HESX1: variants seen among roughly 807,000 people sequenced by gnomAD.
HESX1 encodes HESX homeobox 1.
Under a neutral mutation model 22.5 loss-of-function variants are expected in HESX1, and 11 were observed. The observed-to-expected ratio is 0.49, with a 90% CI of 0.31 to 0.81. HESX1 has a LOEUF of 0.81. Among genes scored for constraint, HESX1 ranks in the 30% least tolerant of loss-of-function variants. HESX1 has a pLI of 0.05. For missense variants in HESX1, 201 were observed against 212.6 expected, an observed-to-expected ratio of 0.95 and a Z score of 0.34; for synonymous variants, 74 against 76.5, an observed-to-expected ratio of 0.97 and a Z score of 0.17.
At chr3:57,212,914 G>C (rs185566976) in intron 1 of HESX1, among the ~76,000 whole-genome samples, 1 of 152,150 alleles carries the variant, frequency 6.6e-6, no homozygotes, top group Non-Finnish European at 1.5e-5. Flanking sequence ...TTTACATTAG[G>C]TATTTCTCCT....
upstream of HESX1, chr3:57,200,015 C>T (rs780627857): frequency 3.5e-5 from 37 of 1,050,186 alleles, no homozygotes; most frequent in Non-Finnish European, 5.1e-5. Context: ...CTTATAGCTC[C>T]GCTGACAAGG....
intron 1 of HESX1, among the ~76,000 whole-genome samples, chr3:57,210,850 AT>A (rs2060549123): frequency 6.6e-6 from 1 of 152,228 alleles, no homozygotes; most frequent in Admixed American, 6.5e-5. Flanking sequence ...CTCCAGGGCA[AT>A]CTACAGAAGA....
intron 1 of HESX1, among the ~76,000 whole-genome samples, chr3:57,224,102 C>T (rs1339144060): frequency 6.6e-6 from 1 of 152,142 alleles, no homozygotes; most frequent in Admixed American, 6.5e-5. Flanking sequence ...AAGCGATTCT[C>T]CTGCCTCAGC....
upstream of HESX1, among the ~76,000 whole-genome samples, chr3:57,203,306 AGAT>A (rs941417990): frequency 3.3e-5 from 5 of 152,170 alleles, no homozygotes; most frequent in Non-Finnish European, 7.3e-5. Context: ...TAGCGGCAAA[AGAT>A]GATGATCCTT....
intron 1 of HESX1, among the ~76,000 whole-genome samples, chr3:57,207,474 T>C (rs993249313): frequency 6.6e-6 from 1 of 152,184 alleles, no homozygotes; most frequent in Admixed American, 6.6e-5. Context: ...ATGTTGAGAA[T>C]AGCAGTGTAA....
At chr3:57,222,125 G>C (rs185576193) in intron 1 of HESX1, among the ~76,000 whole-genome samples, 1 of 152,118 alleles carries the variant, frequency 6.6e-6, no homozygotes, top group Non-Finnish European at 1.5e-5. Flanking sequence ...TTATCCCTGA[G>C]AGTCTTATTT....
In HESX1 at chr3:57,208,531, G is replaced by T. The variant is rs546846902; in HGVS notation, c.-110-8503C>A. On this transcript the variant is annotated intron_variant, in intron 1 of 2. Coordinates refer to the HESX1 transcript ENST00000495160. The stretch of plus-strand genomic sequence containing the variant: ...CCGGATAATTTTTGTATTTTTTTTA[G>T]TAGAGATGAGGTTTCACCGTATAGG... Among the ~76,000 whole-genome samples, 1,449 of 151,782 alleles carry T rather than the reference G, an allele frequency of 9.5e-3. 23 individuals are homozygous for T. Among genetic ancestry groups the T allele is most frequent in the African/African-American group, 0.033 (1,350 of 41,458 alleles).
At chr3:57,206,065 C>T (rs1345853828) in intron 1 of HESX1, among the ~76,000 whole-genome samples, 1 of 152,132 alleles carries the variant, frequency 6.6e-6, no homozygotes, top group African/African-American at 2.4e-5. Flanking sequence ...GTGGCACGTG[C>T]CTGTAATCCC....
chr3:57,215,706 G>A (rs893261613), intron 1 of HESX1, among the ~76,000 whole-genome samples: 1 of 152,158 alleles, frequency 6.6e-6, no homozygotes, highest in South Asian at 2.1e-4. Flanking sequence ...GGCAGAGGTT[G>A]CAGTGAGCCA....
upstream of HESX1, among the ~76,000 whole-genome samples, chr3:57,201,615 G>T (rs1021601319): frequency 6.7e-6 from 1 of 149,550 alleles, no homozygotes; most frequent in Non-Finnish European, 1.5e-5. Flanking sequence ...GTTAGCCAGG[G>T]TAAGAATGAG....
upstream of HESX1, among the ~76,000 whole-genome samples, chr3:57,204,369 C>A (rs2060507985): frequency 6.6e-6 from 1 of 152,016 alleles, no homozygotes; most frequent in African/African-American, 2.4e-5. Context: ...GAGGAAATAC[C>A]TATTTGATTC....
intron 1 of HESX1, among the ~76,000 whole-genome samples, chr3:57,225,902 A>G (rs866670353): frequency 3.4e-5 from 4 of 116,806 alleles, no homozygotes; most frequent in Middle Eastern, 6.7e-3. Flanking sequence ...TTTTTTTGAT[A>G]CGTAGTCTTG....
At chr3:57,201,861 A>ATATC (rs10576733), upstream of HESX1, among the ~76,000 whole-genome samples, 122 of 146,434 alleles carry the variant, frequency 8.3e-4, no homozygotes, top group African/African-American at 2.6e-3. Flanking sequence ...TTACATATCT[A>ATATC]TATCTATCTA....
At chr3:57,220,924 C>T (rs2060612044) in intron 1 of HESX1, among the ~76,000 whole-genome samples, 1 of 152,194 alleles carries the variant, frequency 6.6e-6, no homozygotes, top group Admixed American at 6.5e-5. Flanking sequence ...CTGGCTTGCT[C>T]TTCTCCTGTC....
At chr3:57,203,616 G>A (rs2060502705), upstream of HESX1, among the ~76,000 whole-genome samples, 1 of 152,000 alleles carries the variant, frequency 6.6e-6, no homozygotes, top group Non-Finnish European at 1.5e-5. Flanking sequence ...GTGCAGTGGC[G>A]CAACCTCTGC....
At chr3:57,219,741 C>A (rs2060604171) in intron 1 of HESX1, among the ~76,000 whole-genome samples, 1 of 152,148 alleles carries the variant, frequency 6.6e-6, no homozygotes, top group South Asian at 2.1e-4. Flanking sequence ...GAATATTAGA[C>A]CTTTGTCAGA....
chr3:57,221,179 G>A (rs892889977), intron 1 of HESX1, among the ~76,000 whole-genome samples: 1 of 149,736 alleles, frequency 6.7e-6, no homozygotes, highest in Non-Finnish European at 1.5e-5. Context: ...TTTGAGACAA[G>A]GCCTTGCTCT....
chr3:57,223,956 T>A (rs1407363491), intron 1 of HESX1, among the ~76,000 whole-genome samples: 2 of 152,156 alleles, frequency 1.3e-5, no homozygotes, highest in Non-Finnish European at 1.5e-5. Context: ...AATCTAGGAT[T>A]CCTTTTCTAA....
At chr3:57,226,839 T>C (rs1407630409), upstream of HESX1, among the ~76,000 whole-genome samples, 4 of 152,158 alleles carry the variant, frequency 2.6e-5, no homozygotes, top group African/African-American at 9.7e-5. Context: ...GATGAAAGCC[T>C]ACAACTATAC....
Sources: allele counts gnomAD v4.1 joint callset (sites outside exome capture counted in the v4.1 genomes callset), GRCh38; gene constraint gnomAD v4.1.1; transcripts MANE v1.5; gene names NCBI Gene and HGNC (gene_info 2026-07-23, HGNC 2026-07-21).